FBXL7: variants seen among roughly 807,000 people sequenced by gnomAD.
FBXL7 encodes the protein F-box and leucine rich repeat protein 7.
FBXL7 carries 12 observed loss-of-function variants against 38.3 expected under a neutral mutation model. The ratio of observed to expected loss-of-function variants is 0.31; its 90% CI spans 0.20 to 0.51. FBXL7 has a LOEUF of 0.51. Among genes scored for constraint, FBXL7 ranks in the 20% least tolerant of loss-of-function variants. FBXL7 has a pLI of 0.98. For synonymous variants in FBXL7, 297 were observed against 300.9 expected (o/e 0.99, Z 0.13); for missense variants, 567 against 676.4 (o/e 0.84, Z 1.79).
chr5:15,914,703 C>T (rs2126432644), intron 2 of FBXL7, among the ~76,000 whole-genome samples: 1 of 152,282 alleles, frequency 6.6e-6, no homozygotes, highest in Admixed American at 6.5e-5. Context: ...CAAGTAATTC[C>T]TGTAAATATT....
intron 2 of FBXL7, among the ~76,000 whole-genome samples, chr5:15,649,200 T>G (rs1374452451): frequency 1.3e-5 from 2 of 152,142 alleles, no homozygotes; most frequent in Non-Finnish European, 2.9e-5. Flanking sequence ...TTTCACCACG[T>G]TGGCCAGGCT....
chr5:15,619,413 C>T (rs571132761), intron 2 of FBXL7, among the ~76,000 whole-genome samples: 1 of 152,270 alleles, frequency 6.6e-6, no homozygotes, highest in African/African-American at 2.4e-5. Context: ...CCGTCTCCTG[C>T]CCTGCTCACG....
intron 2 of FBXL7, among the ~76,000 whole-genome samples, chr5:15,740,151 C>T (rs972806760): frequency 2.6e-5 from 4 of 152,044 alleles, no homozygotes; most frequent in African/African-American, 4.8e-5. Flanking sequence ...GGAAGAATAC[C>T]CCATAACTGC....
At chr5:15,608,398 A>T (rs759239471) in intron 1 of FBXL7, among the ~76,000 whole-genome samples, 1 of 152,118 alleles carries the variant, frequency 6.6e-6, no homozygotes, top group Non-Finnish European at 1.5e-5. Flanking sequence ...GGAAAGTTTG[A>T]GAGATGTTCA....
In FBXL7 at chr5:15,538,152, A is replaced by G. The variant is rs538484944; in HGVS notation, c.37+37439A>G. 2.6e-5 allele frequency among the ~76,000 whole-genome samples: 4 copies of G among 152,286 alleles called. No homozygotes were observed. The South Asian group carries it at 8.3e-4, about 32-fold the overall frequency. The stretch of plus-strand genomic sequence containing the variant: ...AATTCTCCCCTATTAAACACATTCT[A>G]AGGGGGTAGTGGAGGACCAAAATAA... On this transcript the variant is annotated intron_variant, in intron 1 of 3. Coordinates refer to ENST00000504595, the MANE Select transcript of FBXL7 (RefSeq NM_012304.5).
chr5:15,616,586 T>G (rs980358931), intron 2 of FBXL7, among the ~76,000 whole-genome samples: 1 of 152,218 alleles, frequency 6.6e-6, no homozygotes, highest in African/African-American at 2.4e-5. Context: ...AGGTCCTTCC[T>G]GTCAGGACAA....
At chr5:15,764,740 T>C (rs1473066117) in intron 2 of FBXL7, among the ~76,000 whole-genome samples, 1 of 152,254 alleles carries the variant, frequency 6.6e-6, no homozygotes, top group Non-Finnish European at 1.5e-5. Context: ...CCACAGGGTA[T>C]TGGGAGCACT....
chr5:15,921,714 A>G (rs1367238020), intron 2 of FBXL7, among the ~76,000 whole-genome samples: 1 of 152,252 alleles, frequency 6.6e-6, no homozygotes, highest in Non-Finnish European at 1.5e-5. Context: ...TAAAGATGTC[A>G]TAAAAGTGGC....
At chr5:15,829,071 C>T (rs1175244391) in intron 2 of FBXL7, among the ~76,000 whole-genome samples, 1 of 152,216 alleles carries the variant, frequency 6.6e-6, no homozygotes, top group Non-Finnish European at 1.5e-5. Flanking sequence ...AAGCCCAGGT[C>T]ACTGCCCCGC....
intron 2 of FBXL7, among the ~76,000 whole-genome samples, chr5:15,794,595 C>T (rs1737365618): frequency 6.6e-6 from 1 of 152,100 alleles, no homozygotes; most frequent in African/African-American, 2.4e-5. Flanking sequence ...GGAAATACTG[C>T]CAGAGCCTTA....
chr5:15,509,756 A>T (rs1053442362), intron 1 of FBXL7, among the ~76,000 whole-genome samples: 3 of 152,208 alleles, frequency 2.0e-5, no homozygotes, highest in Admixed American at 2.0e-4. Context: ...ATGGAAGGTG[A>T]TTCCTGTGGG....
At chr5:15,605,988 C>T (rs1739997590) in intron 1 of FBXL7, among the ~76,000 whole-genome samples, 1 of 152,066 alleles carries the variant, frequency 6.6e-6, no homozygotes, top group Non-Finnish European at 1.5e-5. Context: ...ATCTGATTAT[C>T]ACATAATACA....
Position 15,937,223 on chromosome 5 carries a change from C to T in FBXL7, c.*37C>T, listed in dbSNP as rs1236886481. On this transcript the variant is annotated 3_prime_UTR_variant, in exon 4 of 4. Coordinates refer to ENST00000504595, the MANE Select transcript of FBXL7 (RefSeq NM_012304.5). ...TCATCCGGCGTTGTATTCACACAAA[C>T]CTGAACAAAGCAAATTTTTTTAAAA... 1 of 1,507,680 alleles carries T rather than the reference C, an allele frequency of 6.6e-7. No individual in the cohort carries two copies. Among genetic ancestry groups the T allele is most frequent in the Admixed American group, 2.1e-5 (1 of 46,626 alleles). The allele number at this position is 1,507,680 out of a possible 1,614,324, so 93.4% of individuals were successfully genotyped here.
At chr5:15,570,516 C>G (rs149560971) in intron 1 of FBXL7, among the ~76,000 whole-genome samples, 12 of 152,146 alleles carry the variant, frequency 7.9e-5, no homozygotes, top group Middle Eastern at 6.8e-3. Context: ...CTTGCTGTCT[C>G]TTTCTTCTTA....
At chr5:15,829,414 A>G (rs1738396266) in intron 2 of FBXL7, among the ~76,000 whole-genome samples, 1 of 152,208 alleles carries the variant, frequency 6.6e-6, no homozygotes, top group African/African-American at 2.4e-5. Flanking sequence ...GCTGCTATTG[A>G]TGTGCATTTT....
rs568113043 is a variant in FBXL7, at chr5:15,871,298, CA to C, written c.128-56591del. Reference sequence around the variant, plus strand: ...CAATGCAAAAGCTCCATCCAAAGGTCACCAACACCAAAGACCAAAGGTAGAT... The same window carrying C: ...CAATGCAAAAGCTCCATCCAAAGGTCCCAACACCAAAGACCAAAGGTAGAT... On this transcript the variant is annotated intron_variant, in intron 2 of 3. Transcript: ENST00000504595. Among the ~76,000 whole-genome samples the C allele has an allele frequency of 2.0e-5, 3 of 152,274 alleles. No homozygotes were observed. The South Asian group carries it at 6.2e-4, about 32-fold the overall frequency.
intron 2 of FBXL7, among the ~76,000 whole-genome samples, chr5:15,722,624 T>G (rs1360017004): frequency 6.6e-6 from 1 of 152,152 alleles, no homozygotes; most frequent in East Asian, 1.9e-4. Flanking sequence ...CATACCAGCA[T>G]TTGTAAGCAG....
chr5:15,713,089 A>C (rs745841773), intron 2 of FBXL7, among the ~76,000 whole-genome samples: 1 of 152,170 alleles, frequency 6.6e-6, no homozygotes, highest in Non-Finnish European at 1.5e-5. Flanking sequence ...GCTGCTTATA[A>C]AGACACACCT....
chr5:15,841,479 A>T (rs925133668), intron 2 of FBXL7, among the ~76,000 whole-genome samples: 1 of 149,748 alleles, frequency 6.7e-6, no homozygotes, highest in Non-Finnish European at 1.5e-5. Flanking sequence ...AAAGATGTTC[A>T]TTTTTTTTTT....
Sources: gnomAD v4.1 joint callset for allele counts (sites outside exome capture counted in the v4.1 genomes callset) on GRCh38, gnomAD v4.1.1 for gene constraint, MANE v1.5 for transcripts, NCBI Gene and HGNC (gene_info 2026-07-23, HGNC 2026-07-21) for gene names.